EYS: variants seen among roughly 807,000 people sequenced by gnomAD.
EYS encodes protein eyes shut homolog.
A neutral mutation model predicts 282.1 loss-of-function variants in EYS; 250 were observed. The ratio of observed to expected loss-of-function variants is 0.89; its 90% confidence interval spans 0.80 to 0.98. The LOEUF is 0.98. EYS is among the 50% of genes least tolerant of loss of function. The pLI is 0.00. For missense variants in EYS, 4,016 were observed against 3,709.0 expected (o/e 1.08, Z -2.15); for synonymous variants, 1,355 against 1,282.9 (o/e 1.06, Z -1.20).
At chr6:65,063,128 A>G (rs754306083) in intron 12 of EYS, among the ~76,000 whole-genome samples, 8 of 151,994 alleles carry the variant, frequency 5.3e-5, no homozygotes, top group Non-Finnish European at 8.8e-5. Context: ...TATAAAACAA[A>G]GAAAAAATAG....
intron 33 of EYS, among the ~76,000 whole-genome samples, chr6:64,051,765 G>A (rs191515463): frequency 6.6e-6 from 1 of 152,196 alleles, no homozygotes; most frequent in Non-Finnish European, 1.5e-5. Context: ...CTTTCACAAA[G>A]AAAAGAGTCA....
At chr6:63,903,265 G>A (rs1046383126) in intron 35 of EYS, among the ~76,000 whole-genome samples, 1 of 152,102 alleles carries the variant, frequency 6.6e-6, no homozygotes, top group African/African-American at 2.4e-5. Flanking sequence ...TATCCTTCAC[G>A]CTAATACATG....
rs147429325 is a variant in EYS at position 64,630,181 on chromosome 6, C to T, written c.3444-3936G>A. On this transcript the variant is annotated intron_variant, in intron 22 of 42. Coordinates refer to ENST00000503581, the MANE Select transcript of EYS (RefSeq NM_001142800.2). Reference sequence around the variant, plus strand: ...CACGATCTCGGCTCACTGCAAACTCCGCCACCCAGGTTCAAGTGATTCCCC... The same window carrying T: ...CACGATCTCGGCTCACTGCAAACTCTGCCACCCAGGTTCAAGTGATTCCCC... Among the ~76,000 whole-genome samples the T allele has an allele frequency of 1.4e-3, 217 of 152,144 alleles. 2 individuals carry two copies. The highest frequency in any genetic ancestry group is 4.5e-3 in the African/African-American group (186 of 41,500).
intron 26 of EYS, among the ~76,000 whole-genome samples, chr6:64,523,177 A>G (rs1582850274): frequency 6.6e-6 from 1 of 151,696 alleles, no homozygotes; most frequent in Non-Finnish European, 1.5e-5. Flanking sequence ...TAGTCTTCCT[A>G]GAAGCTGATT....
At chr6:65,083,747 G>T (rs1774288351) in intron 12 of EYS, among the ~76,000 whole-genome samples, 3 of 151,514 alleles carry the variant, frequency 2.0e-5, no homozygotes, top group Non-Finnish European at 4.4e-5. Flanking sequence ...TATTGAGACT[G>T]GTCTCTAAGT....
At chr6:65,360,175 CCTT>C (rs1250420543) in intron 8 of EYS, among the ~76,000 whole-genome samples, 1 of 151,788 alleles carries the variant, frequency 6.6e-6, no homozygotes, top group African/African-American at 2.4e-5. Flanking sequence ...ATTCACTTAT[CCTT>C]CTGAAGTTTA....
chr6:63,930,832 C>T (rs562374259), intron 35 of EYS, among the ~76,000 whole-genome samples: 1 of 152,252 alleles, frequency 6.6e-6, no homozygotes, highest in African/African-American at 2.4e-5. Flanking sequence ...TGCAACCCAC[C>T]CCTTTATCCT....
chr6:65,114,250 C>A (rs1775301841), intron 12 of EYS, among the ~76,000 whole-genome samples: 1 of 150,468 alleles, frequency 6.6e-6, no homozygotes, highest in South Asian at 2.1e-4. Flanking sequence ...AAAGAAATGC[C>A]AAATATATGT....
At chr6:64,251,484 G>A (rs1767215121) in intron 30 of EYS, among the ~76,000 whole-genome samples, 1 of 152,114 alleles carries the variant, frequency 6.6e-6, no homozygotes, top group Non-Finnish European at 1.5e-5. Context: ...TCACTTCAAA[G>A]AAGAAGAGTG....
chr6:65,699,976 G>A (rs1306925943), intron 1 of EYS, among the ~76,000 whole-genome samples: 4 of 151,706 alleles, frequency 2.6e-5, no homozygotes, highest in Non-Finnish European at 5.9e-5. Flanking sequence ...TTAGCCGGGC[G>A]TGGTGGCGGG....
intron 14 of EYS, among the ~76,000 whole-genome samples, chr6:64,973,167 T>C (rs1370489631): frequency 6.6e-6 from 1 of 152,066 alleles, no homozygotes; most frequent in African/African-American, 2.4e-5. Flanking sequence ...AATTGCCCAA[T>C]ATTCTTTGAC....
intron 12 of EYS, among the ~76,000 whole-genome samples, chr6:65,177,740 C>T (rs927159388): frequency 6.6e-6 from 1 of 151,666 alleles, no homozygotes; most frequent in African/African-American, 2.4e-5. Flanking sequence ...ACATAATCTA[C>T]ATAGATCACT....
At chr6:63,783,167 T>C (rs904311269) in intron 39 of EYS, among the ~76,000 whole-genome samples, 7 of 152,222 alleles carry the variant, frequency 4.6e-5, no homozygotes, top group African/African-American at 1.7e-4. Flanking sequence ...ATCTATCTCA[T>C]GTCCACTCTA....
In EYS at chr6:64,590,579, T is replaced by C. The variant is rs995968211; in HGVS notation, c.5288A>G (p.Glu1763Gly). 1.3e-6 allele frequency: 2 copies of C among 1,551,370 alleles called. No individual in the cohort carries two copies. The highest frequency in any genetic ancestry group is 1.7e-6 in the Non-Finnish European group (2 of 1,146,762). ...TTTGAAGTCATTTGCATGTGTAATT[T>C]CTGAATATGTCTTTAAAGTAACATC... ...YPDVTLKTYS[E>G]ITHANDFKNN... Residue 1763 changes from glutamate to glycine, a missense_variant, in exon 26 of 43, where the codon GAA becomes GGA. By Grantham distance (98) the Glu-to-Gly change is moderately conservative (BLOSUM62 -2). Transcript: ENST00000503581.
intron 12 of EYS, among the ~76,000 whole-genome samples, chr6:65,088,438 A>G (rs1774451762): frequency 6.6e-6 from 1 of 152,184 alleles, no homozygotes; most frequent in Non-Finnish European, 1.5e-5. Context: ...TTGCTGGAAA[A>G]TAGATCAAAG....
At chr6:64,705,084 G>T (rs931618870) in intron 22 of EYS, among the ~76,000 whole-genome samples, 3 of 152,066 alleles carry the variant, frequency 2.0e-5, no homozygotes, top group African/African-American at 4.8e-5. Context: ...ATACCGTAAG[G>T]ATGCCTCCAA....
At chr6:64,898,854 CAAA>C (rs1444218759) in intron 18 of EYS, among the ~76,000 whole-genome samples, 5 of 151,576 alleles carry the variant, frequency 3.3e-5, no homozygotes, top group Non-Finnish European at 5.9e-5. Flanking sequence ...ATCAAAAAGA[CAAA>C]GAAGGGCATT....
intron 1 of EYS, among the ~76,000 whole-genome samples, chr6:65,643,811 A>C (rs986006700): frequency 1.3e-5 from 2 of 151,878 alleles, no homozygotes; most frequent in African/African-American, 4.8e-5. Context: ...AGATCCAAAA[A>C]AGCGAAAACA....
chr6:63,899,123 C>T (rs427465), intron 35 of EYS, among the ~76,000 whole-genome samples: 135,601 of 151,870 alleles, frequency 0.89, 61,036 homozygotes, highest in Non-Finnish European at 0.95. Context: ...TCTTAGAGAA[C>T]AGACAATTCT....
Sources: allele counts gnomAD v4.1 joint callset (sites outside exome capture counted in the v4.1 genomes callset), GRCh38; gene constraint gnomAD v4.1.1; transcripts MANE v1.5; gene names NCBI Gene and HGNC (gene_info 2026-07-23, HGNC 2026-07-21).